The following TEN1 variants were observed in gnomAD, a reference collection of about 807,000 sequenced individuals.
TEN1 encodes the protein CST complex subunit TEN1.
Under a neutral mutation model 9.3 loss-of-function variants are expected in TEN1, and 6 were observed. The ratio of observed to expected loss-of-function variants is 0.65; its 90% confidence interval spans 0.35 to 1.27. The LOEUF (loss-of-function observed/expected upper bound fraction) is 1.27, where lower values mean the gene tolerates loss of function less well. Ranked by LOEUF, TEN1 falls within the 50% of genes most tolerant of loss-of-function variation. The pLI is 0.03. For missense variants in TEN1, 149 were observed against 158.2 expected (o/e 0.94, Z 0.31); for synonymous variants, 65 against 65.6 (o/e 0.99, Z 0.04).
chr17:75,998,199 A>T (rs1466490648), intron 3 of TEN1, among the ~76,000 whole-genome samples: 2 of 129,720 alleles, frequency 1.5e-5, no homozygotes, highest in East Asian at 4.4e-4. Flanking sequence ...ACAGAGTCTC[A>T]TTCTGTTTCC....
At chr17:75,985,125 C>T (rs1460190107) in intron 1 of TEN1, 3 of 152,112 alleles carry the variant, frequency 2.0e-5, no homozygotes, top group African/African-American at 7.2e-5. Flanking sequence ...TTCTGGGCCA[C>T]ACATAGCTTT....
intron 3 of TEN1, among the ~76,000 whole-genome samples, chr17:75,997,153 G>A (rs150488767): frequency 6.6e-6 from 1 of 151,890 alleles, no homozygotes; most frequent in African/African-American, 2.4e-5. Context: ...TCTCTTCCCC[G>A]TTGGGCCTCA....
intron 1 of TEN1, among the ~76,000 whole-genome samples, chr17:75,985,357 A>G (rs1162651468): frequency 6.6e-6 from 1 of 152,066 alleles, no homozygotes; most frequent in Non-Finnish European, 1.5e-5. Context: ...CATGTTGCCC[A>G]GACTGGTCCC....
intron 1 of TEN1, among the ~76,000 whole-genome samples, chr17:75,984,228 T>C (rs977216401): frequency 2.0e-5 from 3 of 152,182 alleles, no homozygotes; most frequent in Non-Finnish European, 4.4e-5. Context: ...ACTGATACAA[T>C]TTTTGCAAAG....
At chr17:75,984,390 T>C (rs1411995926) in intron 1 of TEN1, among the ~76,000 whole-genome samples, 1 of 152,150 alleles carries the variant, frequency 6.6e-6, no homozygotes, top group East Asian at 1.9e-4. Context: ...TACTTTTTCA[T>C]TTTTTTAAAT....
In TEN1 at chr17:76,000,270, C is replaced by G. The variant is rs1248297723; in HGVS notation, c.*8C>G. On this transcript the variant is annotated 3_prime_UTR_variant, in exon 4 of 4. Coordinates refer to ENST00000397640, the MANE Select transcript of TEN1 (RefSeq NM_001113324.3). The surrounding 1 kb of genome is among the most constrained non-coding windows in gnomAD (Gnocchi z 5.9). ...CGGGGCGGCAGCCAGTAGGAAACAG[C>G]AGCCTAGCAACACCCTCACCTGCTT... 15 of 1,550,260 alleles carry G rather than the reference C, an allele frequency of 9.7e-6. No homozygotes were observed. In the East Asian group the frequency reaches 3.4e-4, roughly 35 times the overall value.
rs905216603 is a variant in TEN1 at position 76,000,167 on chromosome 17, G to A, written c.277G>A (p.Val93Met). 1.5e-5 allele frequency: 23 copies of A among 1,551,360 alleles called. No homozygotes were observed. The highest frequency in any genetic ancestry group is 6.8e-5 in the African/African-American group (5 of 73,020). ...QDRGSVVKAR[V>M]LTCVEGMNLP... is the part of the protein sequence containing the mutation. ...CAGAGGCTCCGTGGTGAAGGCGCGC[G>A]TGCTGACCTGTGTGGAGGGGATGAA... is the stretch of plus-strand genomic sequence containing the variant. The change falls in exon 4 of 4, where the codon GTG becomes ATG. Residue 93 changes from valine (V) to methionine (M), a missense_variant. Val to Met is a conservative substitution (Grantham distance 21, BLOSUM62 1). Transcript: ENST00000397640. The surrounding 1 kb of genome is among the most constrained non-coding windows in gnomAD (Gnocchi z 5.9).
chr17:75,981,674 A>T (rs906040496), intron 1 of TEN1, among the ~76,000 whole-genome samples: 1 of 151,418 alleles, frequency 6.6e-6, no homozygotes, highest in Admixed American at 6.6e-5. Flanking sequence ...AGAAGTTAGA[A>T]TCCTCTTCCC....
At chr17:75,987,782 T>C (rs1002473436) in intron 2 of TEN1, among the ~76,000 whole-genome samples, 4 of 151,454 alleles carry the variant, frequency 2.6e-5, no homozygotes, top group African/African-American at 9.7e-5. Flanking sequence ...CCGGGCTTGG[T>C]GGTGGGTGCC....
intron 3 of TEN1, among the ~76,000 whole-genome samples, chr17:75,992,065 AAAAG>A (rs2066189255): frequency 6.7e-6 from 1 of 149,276 alleles, no homozygotes; most frequent in East Asian, 1.9e-4. Context: ...AAAAAAAAAA[AAAAG>A]ACAGGTACAG....
At chr17:75,995,975 C>T (rs2066216053) in intron 3 of TEN1, among the ~76,000 whole-genome samples, 1 of 152,062 alleles carries the variant, frequency 6.6e-6, no homozygotes, top group Non-Finnish European at 1.5e-5. Flanking sequence ...GCTTGTAGTC[C>T]CAGCTACTTG....
intron 3 of TEN1, among the ~76,000 whole-genome samples, chr17:75,995,661 C>A (rs2066214139): frequency 6.6e-6 from 1 of 152,230 alleles, no homozygotes; most frequent in African/African-American, 2.4e-5. Flanking sequence ...CTTTCCCAGG[C>A]CTACTCCAGA....
intron 2 of TEN1, among the ~76,000 whole-genome samples, chr17:75,988,930 C>A (rs574910136): frequency 6.4e-4 from 97 of 151,818 alleles, no homozygotes; most frequent in Non-Finnish European, 8.5e-4. Context: ...GCCATCACAC[C>A]CGGCTAATTT....
intron 1 of TEN1, among the ~76,000 whole-genome samples, chr17:75,985,425 G>A (rs1272997969): frequency 1.3e-5 from 2 of 152,220 alleles, no homozygotes; most frequent in African/African-American, 4.8e-5. Context: ...TGGGATTACA[G>A]GCATGAGCCA....
intron 1 of TEN1, among the ~76,000 whole-genome samples, chr17:75,980,843 C>T (rs547436371): frequency 1.3e-5 from 2 of 152,198 alleles, no homozygotes; most frequent in African/African-American, 4.8e-5. Flanking sequence ...CCTAGGACCT[C>T]AGGATCCTCA....
chr17:75,994,154 G>A (rs571939533), intron 3 of TEN1, among the ~76,000 whole-genome samples: 25 of 151,862 alleles, frequency 1.6e-4, no homozygotes, highest in African/African-American at 5.1e-4. Context: ...CATTTTTGTC[G>A]CTGGGCGCGG....
chr17:75,988,165 G>T (rs1314619271), intron 2 of TEN1, among the ~76,000 whole-genome samples: 1 of 150,048 alleles, frequency 6.7e-6, no homozygotes, highest in South Asian at 2.1e-4. Flanking sequence ...GCTTGAACCC[G>T]GGAGGCAGAG....
chr17:75,991,852 G>C (rs1263157116), intron 3 of TEN1, among the ~76,000 whole-genome samples: 2 of 152,112 alleles, frequency 1.3e-5, no homozygotes, highest in African/African-American at 4.8e-5. Flanking sequence ...TTCGAGACCA[G>C]CCTAGCCAAC....
rs1555621566 is a variant in TEN1, at chr17:75,990,804, AAG to A, written c.93-660_93-659del. Reference sequence around the variant, plus strand: ...GCCTGGGATACAGAAAAAAAAAAAAAAGAAAGGAAGAAAAAGATTTCTTAGAC... The same window carrying A: ...GCCTGGGATACAGAAAAAAAAAAAAAAAAGGAAGAAAAAGATTTCTTAGAC... On this transcript the variant is annotated intron_variant, in intron 2 of 3. Coordinates refer to ENST00000397640, the MANE Select transcript of TEN1 (RefSeq NM_001113324.3). Among the ~76,000 whole-genome samples the A allele has an allele frequency of 5.3e-4, 80 of 151,252 alleles. 1 individual carries two copies. Among genetic ancestry groups the A allele is most frequent in the African/African-American group, 1.8e-3 (74 of 41,180 alleles).
Sources: gnomAD v4.1 joint callset for allele counts (sites outside exome capture counted in the v4.1 genomes callset) on GRCh38, gnomAD v4.1.1 for gene constraint, Gnocchi (gnomAD v3.1) non-coding constraint, MANE v1.5 for transcripts, NCBI Gene and HGNC (gene_info 2026-07-23, HGNC 2026-07-21) for gene names.